Variants in SORCS2 observed in about 807,000 individuals in gnomAD.
SORCS2 encodes the protein sortilin related VPS10 domain containing receptor 2.
A neutral mutation model predicts 141.6 loss-of-function variants in SORCS2; 100 were observed. The ratio of observed to expected loss-of-function variants is 0.71; its 90% CI spans 0.60 to 0.83. SORCS2 has a LOEUF of 0.83. Ranked by LOEUF, SORCS2 falls within the 40% of genes least tolerant of loss-of-function variation. The pLI is 0.00. For missense variants in SORCS2, 1,646 were observed against 1,560.2 expected, an observed-to-expected ratio of 1.05 and a Z score of -0.93; for synonymous variants, 789 against 676.9, an observed-to-expected ratio of 1.17 and a Z score of -2.57.
At chr4:7,381,905 G>T in intron 1 of SORCS2, 1 of 986,388 alleles carries the variant, frequency 1.0e-6, no homozygotes, top group Non-Finnish European at 1.2e-6. Flanking sequence ...AGCAGAGCAG[G>T]CAGACAGCAG....
At chr4:7,465,105 G>A (rs1378953682) in intron 2 of SORCS2, among the ~76,000 whole-genome samples, 2 of 152,204 alleles carry the variant, frequency 1.3e-5, no homozygotes, top group Non-Finnish European at 2.9e-5. Flanking sequence ...GCTTCTCATG[G>A]GTGAATGACA....
At chr4:7,623,748 G>A (rs888821432) in intron 3 of SORCS2, among the ~76,000 whole-genome samples, 37 of 152,292 alleles carry the variant, frequency 2.4e-4, no homozygotes, top group South Asian at 2.1e-3. Context: ...TGGGGTTCAC[G>A]GCTGCCGCTT....
At chr4:7,705,797 C>G (rs1280438717) in intron 14 of SORCS2, among the ~76,000 whole-genome samples, 1 of 152,246 alleles carries the variant, frequency 6.6e-6, no homozygotes, top group Non-Finnish European at 1.5e-5. Flanking sequence ...CCTGAATGCC[C>G]CAGAGGGGCC....
At chr4:7,489,499 C>T (rs1269256872) in intron 2 of SORCS2, among the ~76,000 whole-genome samples, 8 of 152,136 alleles carry the variant, frequency 5.3e-5, no homozygotes, top group East Asian at 1.9e-4. Context: ...AGATGTCTCT[C>T]GGTGGTAAAT....
At chr4:7,689,369 T>C in intron 10 of SORCS2, 117 bp from the exon 11 acceptor site, 2 of 917,226 alleles carry the variant, frequency 2.2e-6, no homozygotes, top group Admixed American at 4.3e-5. Context: ...TCCAAGGCAC[T>C]CCTGGCCCAG....
At chr4:7,560,511 T>C (rs993234090) in intron 3 of SORCS2, among the ~76,000 whole-genome samples, 1 of 152,100 alleles carries the variant, frequency 6.6e-6, no homozygotes, top group Non-Finnish European at 1.5e-5. Context: ...CCGGGAACCA[T>C]GTGGAAGAGC....
intron 1 of SORCS2, among the ~76,000 whole-genome samples, chr4:7,203,770 C>T (rs949773370): frequency 1.3e-5 from 2 of 152,162 alleles, no homozygotes; most frequent in South Asian, 2.1e-4. Flanking sequence ...TTCTCCAGAA[C>T]GTTCTCATCT....
At chr4:7,368,628 A>G (rs1722057086) in intron 1 of SORCS2, among the ~76,000 whole-genome samples, 2 of 152,154 alleles carry the variant, frequency 1.3e-5, no homozygotes, top group African/African-American at 4.8e-5. Flanking sequence ...CATGGAGGGG[A>G]CCACCTCCCT....
Position 7,307,330 on chromosome 4 carries a change from T to G in SORCS2, c.481-88958T>G, listed in dbSNP as rs554530488. ...CACTTCTGAGCCACCTGGAAGTTCC[T>G]TTCGTAAATGATTCTTCCAGAAAAG... On this transcript the variant is annotated intron_variant, in intron 1 of 26. Transcript: ENST00000507866. Among the ~76,000 whole-genome samples, 6 of 152,390 alleles carry G rather than the reference T, an allele frequency of 3.9e-5. No individual in the cohort carries two copies. The East Asian group carries it at 1.2e-3, about 29-fold the overall frequency.
intron 2 of SORCS2, among the ~76,000 whole-genome samples, chr4:7,511,902 A>G (rs1374270344): frequency 1.3e-5 from 2 of 152,130 alleles, no homozygotes; most frequent in African/African-American, 2.4e-5. Flanking sequence ...CAGAACTGAC[A>G]TTACCCAGGG....
Position 7,488,082 on chromosome 4 carries a change from C to T in SORCS2, c.549-43448C>T, listed in dbSNP as rs547228541. On this transcript the variant is annotated intron_variant, in intron 2 of 26. Transcript: ENST00000507866. ...TAATGCGCATCTCCCGGTACCTGAG[C>T]CCTGTGCTAGGAGAGGTTCGGAAAT... Among the ~76,000 whole-genome samples, 6 of 152,298 alleles carry T rather than the reference C, an allele frequency of 3.9e-5. No individual in the cohort carries two copies. The South Asian group carries it at 6.2e-4, about 16-fold the overall frequency.
At chr4:7,549,571 C>G (rs1247383176) in intron 3 of SORCS2, among the ~76,000 whole-genome samples, 1 of 152,194 alleles carries the variant, frequency 6.6e-6, no homozygotes, top group Non-Finnish European at 1.5e-5. Flanking sequence ...CACTGGGCTT[C>G]TCCAAGACTC....
In SORCS2 at chr4:7,676,244, G is replaced by C. The variant is rs1257802786; in HGVS notation, c.1341+15G>C. 6.5e-7 allele frequency: 1 copy of C among 1,548,028 alleles called. No homozygotes were observed. The highest frequency in any genetic ancestry group is 1.2e-5 in the South Asian group (1 of 83,928). ...ACATCCTGGAGGTGGGTCCAGGGTG[G>C]ATGTGGGCCAGGTCTGCCGCCGACC... On this transcript the variant is annotated intron_variant, in intron 9 of 26. Coordinates refer to ENST00000507866, the MANE Select transcript of SORCS2 (RefSeq NM_020777.3).
At chr4:7,543,975 CCCATCCGT>C (rs1713028075) in intron 3 of SORCS2, among the ~76,000 whole-genome samples, 1 of 37,528 alleles carries the variant, frequency 2.7e-5, no homozygotes. Context: ...CATCCATCCA[CCCATCCGT>C]CCATCCATCC....
chr4:7,692,523 C>T (rs1462811926), intron 11 of SORCS2, among the ~76,000 whole-genome samples: 1 of 152,184 alleles, frequency 6.6e-6, no homozygotes, highest in Non-Finnish European at 1.5e-5. Flanking sequence ...GCCAGGCTGT[C>T]CTCTCATCCA....
At chr4:7,239,264 G>A (rs1712515694) in intron 1 of SORCS2, among the ~76,000 whole-genome samples, 1 of 152,250 alleles carries the variant, frequency 6.6e-6, no homozygotes, top group Admixed American at 6.5e-5. Flanking sequence ...GGCAGCTTCT[G>A]AGCTTCTGCA....
chr4:7,445,806 TCCAGAGAGGC>T (rs1421284647), intron 2 of SORCS2, among the ~76,000 whole-genome samples: 2 of 152,196 alleles, frequency 1.3e-5, no homozygotes, highest in East Asian at 3.9e-4. Flanking sequence ...AGTACAGGAC[TCCAGAGAGGC>T]CCAGGGATGG....
intron 1 of SORCS2, among the ~76,000 whole-genome samples, chr4:7,365,985 C>G (rs1012291098): frequency 3.3e-5 from 5 of 152,210 alleles, no homozygotes. Flanking sequence ...TATGGGGAGT[C>G]CTTGCCAGCT....
chr4:7,715,632 G>A (rs1726140351), intron 17 of SORCS2, among the ~76,000 whole-genome samples: 1 of 152,232 alleles, frequency 6.6e-6, no homozygotes, highest in African/African-American at 2.4e-5. Context: ...ACAATAGACA[G>A]AAAAGGTCCA....
Sources: gnomAD v4.1 joint callset for allele counts (sites outside exome capture counted in the v4.1 genomes callset) on GRCh38, gnomAD v4.1.1 for gene constraint, MANE v1.5 for transcripts, NCBI Gene and HGNC (gene_info 2026-07-23, HGNC 2026-07-21) for gene names.